CYSTM1: variants seen among roughly 807,000 people sequenced by gnomAD.
CYSTM1 encodes the protein cysteine rich transmembrane module containing 1.
CYSTM1 carries 4 observed loss-of-function variants against 13.1 expected under a neutral mutation model. That is an observed-to-expected ratio of 0.31 (90% CI 0.15 to 0.70). CYSTM1 has a LOEUF of 0.70. Among genes scored for constraint, CYSTM1 ranks in the 30% least tolerant of loss-of-function variants. The pLI is 0.72. For missense variants in CYSTM1, 96 were observed against 121.6 expected (o/e 0.79, Z 0.99); for synonymous variants, 36 against 42.7 (o/e 0.84, Z 0.62).
intron 2 of CYSTM1, among the ~76,000 whole-genome samples, chr5:140,237,765 G>C (rs1764699225): frequency 6.6e-6 from 1 of 152,102 alleles, no homozygotes; most frequent in Non-Finnish European, 1.5e-5. Flanking sequence ...GACTGATTGG[G>C]GGTGAATGAG....
At chr5:140,226,607 T>A (rs1241361507) in intron 2 of CYSTM1, among the ~76,000 whole-genome samples, 2 of 112,834 alleles carry the variant, frequency 1.8e-5, no homozygotes, top group Non-Finnish European at 3.4e-5. Context: ...TATATATATA[T>A]ATATAAAAAT....
chr5:140,241,327 C>T (rs1764745956), intron 2 of CYSTM1, among the ~76,000 whole-genome samples: 2 of 152,262 alleles, frequency 1.3e-5, no homozygotes, highest in African/African-American at 4.8e-5. Context: ...AGTGAGGAGA[C>T]TGACTGATGT....
chr5:140,212,788 C>T (rs1764383628), intron 2 of CYSTM1, among the ~76,000 whole-genome samples: 1 of 151,618 alleles, frequency 6.6e-6, no homozygotes. Flanking sequence ...GCAATATGGC[C>T]AAACTCCATC....
chr5:140,209,252 C>T (rs946923427), intron 2 of CYSTM1, among the ~76,000 whole-genome samples: 4 of 149,774 alleles, frequency 2.7e-5, no homozygotes, highest in Non-Finnish European at 4.4e-5. Context: ...AAAGACTGCT[C>T]GTACTTTCTT....
Position 140,239,136 on chromosome 5 carries a change from C to T in CYSTM1, c.188-4169C>T, listed in dbSNP as rs1475762926. 6.6e-6 allele frequency among the ~76,000 whole-genome samples: 1 copy of T among 152,180 alleles called. No homozygotes were observed. Among genetic ancestry groups the T allele is most frequent in the African/African-American group, 2.4e-5 (1 of 41,442 alleles). On this transcript the variant is annotated intron_variant, in intron 2 of 2. Transcript: ENST00000261811. This position sits in a 1 kb window ranked among gnomAD's most constrained non-coding sequence, Gnocchi z 5.4. The stretch of plus-strand genomic sequence containing the variant: ...CAGACACTTGCAAAAACAAGAAGGA[C>T]CTAATAAGGCTCAATTACCACATCA...
Position 140,194,441 on chromosome 5 carries a change from C to G in CYSTM1, c.-20-5C>G. On this transcript the variant is annotated splice_region_variant and splice_polypyrimidine_tract_variant and intron_variant, in intron 1 of 2. Coordinates refer to ENST00000261811, the MANE Select transcript of CYSTM1 (RefSeq NM_032412.4). The stretch of plus-strand genomic sequence containing the variant: ...CAAATAATTTTCATTCTTTTTGTCT[C>G]TTAGGTGCACTTTACAGGTCCCCGA... The G allele has an allele frequency of 2.6e-6, 4 of 1,542,630 alleles. No homozygotes were observed. Among genetic ancestry groups the G allele is most frequent in the Non-Finnish European group, 3.5e-6 (4 of 1,149,566 alleles).
chr5:140,217,063 A>G (rs1003987469), intron 2 of CYSTM1, among the ~76,000 whole-genome samples: 2 of 150,124 alleles, frequency 1.3e-5, no homozygotes, highest in Non-Finnish European at 2.9e-5. Context: ...TTCCTTAGGG[A>G]AAAAAAAATC....
intron 1 of CYSTM1, among the ~76,000 whole-genome samples, chr5:140,188,401 G>A (rs1212749877): frequency 6.6e-6 from 1 of 152,106 alleles, no homozygotes; most frequent in Non-Finnish European, 1.5e-5. Context: ...TGGCATTCTA[G>A]CTATTAAAAA....
At chr5:140,232,147 G>A (rs996382812) in intron 2 of CYSTM1, among the ~76,000 whole-genome samples, 2 of 152,180 alleles carry the variant, frequency 1.3e-5, no homozygotes, top group Non-Finnish European at 2.9e-5. Context: ...GCCTGGTGGT[G>A]GTGTTTACAG....
intron 2 of CYSTM1, chr5:140,228,909 A>G (rs1764590387): frequency 2.5e-6 from 1 of 398,222 alleles, no homozygotes; most frequent in Non-Finnish European, 4.4e-6. Flanking sequence ...ACTGTTGCAC[A>G]ATTTCCATTT....
chr5:140,238,335 C>G (rs1048519608), intron 2 of CYSTM1, among the ~76,000 whole-genome samples: 1 of 152,172 alleles, frequency 6.6e-6, no homozygotes, highest in Non-Finnish European at 1.5e-5. Context: ...GGAAGAGGTT[C>G]CTACCTTCTC....
intron 2 of CYSTM1, among the ~76,000 whole-genome samples, chr5:140,213,932 G>A (rs1764399796): frequency 6.6e-6 from 1 of 152,148 alleles, no homozygotes; most frequent in Non-Finnish European, 1.5e-5. Flanking sequence ...TTTGTATTTT[G>A]TCAGGGAATA....
intron 1 of CYSTM1, 91 bp from the exon 2 acceptor site, chr5:140,194,355 G>T (rs1764126657): frequency 1.6e-6 from 2 of 1,237,728 alleles, no homozygotes; most frequent in African/African-American, 1.5e-5. Flanking sequence ...CACCTTGAAG[G>T]TATTTTGTAA....
chr5:140,223,916 G>A (rs1264136901), intron 2 of CYSTM1, among the ~76,000 whole-genome samples: 3 of 152,174 alleles, frequency 2.0e-5, no homozygotes, highest in Non-Finnish European at 4.4e-5. Flanking sequence ...ATTCCAGGGT[G>A]AGCCAGCTAT....
At chr5:140,240,737 G>T (rs957444266) in intron 2 of CYSTM1, among the ~76,000 whole-genome samples, 1 of 151,964 alleles carries the variant, frequency 6.6e-6, no homozygotes, top group Non-Finnish European at 1.5e-5. Flanking sequence ...AAATTTCTGG[G>T]CCCCACCGCA....
At chr5:140,189,533 G>GTA (rs1425368934) in intron 1 of CYSTM1, among the ~76,000 whole-genome samples, 1 of 152,214 alleles carries the variant, frequency 6.6e-6, no homozygotes, top group African/African-American at 2.4e-5. Flanking sequence ...AACAGACTAA[G>GTA]TAGAGTATTA....
intron 2 of CYSTM1, among the ~76,000 whole-genome samples, chr5:140,231,449 T>C (rs1764616137): frequency 1.3e-5 from 2 of 152,084 alleles, no homozygotes; most frequent in Non-Finnish European, 2.9e-5. Flanking sequence ...TAAACGTAGC[T>C]CCAGAGTGTC....
At chr5:140,224,153 T>G (rs1461116862) in intron 2 of CYSTM1, among the ~76,000 whole-genome samples, 2 of 152,210 alleles carry the variant, frequency 1.3e-5, no homozygotes, top group African/African-American at 2.4e-5. Flanking sequence ...TTGTTTGTTT[T>G]TTTGAGACGG....
intron 1 of CYSTM1, among the ~76,000 whole-genome samples, chr5:140,186,622 T>G (rs1043254791): frequency 6.6e-6 from 1 of 152,198 alleles, no homozygotes; most frequent in Non-Finnish European, 1.5e-5. Context: ...TTGCTGGTGT[T>G]ATTGTCTGTC....
Sources: allele counts gnomAD v4.1 joint callset (sites outside exome capture counted in the v4.1 genomes callset), GRCh38; gene constraint gnomAD v4.1.1; non-coding constraint Gnocchi (gnomAD v3.1); transcripts MANE v1.5; gene names NCBI Gene and HGNC (gene_info 2026-07-23, HGNC 2026-07-21).